The following CD99L2 variants were observed in gnomAD, a reference collection of about 807,000 sequenced individuals.
CD99L2 encodes CD99 molecule like 2.
In CD99L2, 24 loss-of-function variants were observed where a neutral mutation model predicts 27.3. The observed-to-expected ratio is 0.88, with a 90% CI of 0.64 to 1.24. The LOEUF is 1.24. Among genes scored for constraint, CD99L2 ranks in the 50% most tolerant of loss-of-function variants. CD99L2 has a pLI of 0.00. For missense variants in CD99L2, 255 were observed against 221.6 expected, an observed-to-expected ratio of 1.15 and a Z score of -0.96; for synonymous variants, 97 against 87.9, an observed-to-expected ratio of 1.10 and a Z score of -0.58.
chrX:150,842,261 G>A (rs2046633344), intron 1 of CD99L2, among the ~76,000 whole-genome samples: 2 of 112,212 alleles, frequency 1.8e-5, no homozygotes, highest in African/African-American at 6.5e-5. Flanking sequence ...GAAAAGTGCT[G>A]TTTCCACCCA....
chrX:150,892,605 CAAAAAAAAA>C (rs782464097), intron 1 of CD99L2, among the ~76,000 whole-genome samples: 2 of 30,196 alleles, frequency 6.6e-5, no homozygotes, highest in African/African-American at 2.3e-4. Flanking sequence ...GACTCTGTCT[CAAAAAAAAA>C]AAAAAAAAAA....
At chrX:150,809,126 A>G (rs1317389818) in intron 4 of CD99L2, among the ~76,000 whole-genome samples, 2 of 111,431 alleles carry the variant, frequency 1.8e-5, no homozygotes, top group Non-Finnish European at 3.8e-5. Context: ...TCTCCCCTAG[A>G]GTCTCCAAAA....
chrX:150,887,489 A>T (rs373685589), intron 1 of CD99L2, among the ~76,000 whole-genome samples: 8 of 99,240 alleles, frequency 8.1e-5, no homozygotes, highest in Non-Finnish European at 1.4e-4. Flanking sequence ...AATAAATAAA[A>T]TAAAAAAATA....
intron 1 of CD99L2, among the ~76,000 whole-genome samples, chrX:150,895,196 C>T (rs1603328930): frequency 9.0e-6 from 1 of 111,061 alleles, no homozygotes; most frequent in South Asian, 3.8e-4. Flanking sequence ...TATAGGTGTT[C>T]CAGAAATGAA....
intron 1 of CD99L2, among the ~76,000 whole-genome samples, chrX:150,879,351 A>G (rs2047284353): frequency 8.9e-6 from 1 of 111,912 alleles, no homozygotes; most frequent in Non-Finnish European, 1.9e-5. Flanking sequence ...GAGTGGAAAG[A>G]ATTAAGAAAA....
intron 1 of CD99L2, among the ~76,000 whole-genome samples, chrX:150,894,571 T>TTGTGTG (rs199941967): frequency 3.5e-4 from 35 of 99,835 alleles, no homozygotes; most frequent in African/African-American, 1.2e-3. Flanking sequence ...TTCTTTTGTT[T>TTGTGTG]TGTGTGTGTG....
At chrX:150,789,143 G>A (rs184185221) in intron 7 of CD99L2, among the ~76,000 whole-genome samples, 106 of 83,375 alleles carry the variant, frequency 1.3e-3, no homozygotes, top group African/African-American at 4.6e-3. Flanking sequence ...TTTTTTTTGA[G>A]ACAGAGTCTT....
At chrX:150,775,374 A>G (rs1227559719) in intron 9 of CD99L2, among the ~76,000 whole-genome samples, 4 of 112,344 alleles carry the variant, frequency 3.6e-5, no homozygotes, top group Non-Finnish European at 5.6e-5. Flanking sequence ...CAGAGCATCC[A>G]TCTGTGCTTA....
At chrX:150,770,239 T>C in intron 10 of CD99L2, 65 bp downstream of exon 10, 2 of 1,034,427 alleles carry the variant, frequency 1.9e-6, no homozygotes, top group Non-Finnish European at 2.7e-6. Context: ...TCTAGCACAG[T>C]TCTGCTCAGT....
intron 7 of CD99L2, 73 bp downstream of exon 7, chrX:150,793,618 A>G: frequency 2.2e-6 from 2 of 910,816 alleles, no homozygotes; most frequent in Non-Finnish European, 3.0e-6. Flanking sequence ...CAGAGGCTCA[A>G]TTAATCTGGT....
chrX:150,795,708 C>T (rs887001377), intron 4 of CD99L2, among the ~76,000 whole-genome samples: 3 of 111,725 alleles, frequency 2.7e-5, no homozygotes, highest in Non-Finnish European at 5.6e-5. Flanking sequence ...GGTTATGAGG[C>T]AGACATAGTC....
rs184637267 is a variant in CD99L2, at chrX:150,896,902, G to A, written c.67+1620C>T. 6.2e-5 allele frequency among the ~76,000 whole-genome samples: 7 copies of A among 112,412 alleles called. No individual in the cohort carries two copies. In the East Asian group the frequency reaches 1.9e-3, roughly 31 times the overall value. ...CCTCTGTTTCCTCATCTATAAAACA[G>A]ATGTACTGTTTCTGTCTCCTCTACC... On this transcript the variant is annotated intron_variant, in intron 1 of 10. Transcript: ENST00000370377.
At chrX:150,769,146 C>T in intron 10 of CD99L2, 45 bp from the exon 11 acceptor site, 1 of 1,134,986 alleles carries the variant, frequency 8.8e-7, no homozygotes. Flanking sequence ...CTCTGTCTTG[C>T]ACAGAAGAAG....
At chrX:150,775,937 G>C (rs1243137768) in intron 9 of CD99L2, among the ~76,000 whole-genome samples, 2 of 112,434 alleles carry the variant, frequency 1.8e-5, no homozygotes, top group African/African-American at 6.5e-5. Context: ...TGGGGCCCTG[G>C]AAGGTGAAGG....
At chrX:150,797,997 A>G (rs1268114273) in intron 4 of CD99L2, among the ~76,000 whole-genome samples, 4 of 100,916 alleles carry the variant, frequency 4.0e-5, no homozygotes, top group African/African-American at 1.5e-4. Context: ...AGCCGTGACC[A>G]CACCACTGTA....
chrX:150,771,961 G>A (rs1200580429), intron 9 of CD99L2: 10 of 618,563 alleles, frequency 1.6e-5, no homozygotes, highest in South Asian at 5.5e-5. Context: ...AGCAGAGGCC[G>A]AGAGCACCTG....
At chrX:150,793,777 A>G (rs377051493) in intron 6 of CD99L2, 21 bp from the exon 7 acceptor site, 13 of 1,142,649 alleles carry the variant, frequency 1.1e-5, no homozygotes, top group Non-Finnish European at 5.9e-6. Flanking sequence ...TAAAACATAC[A>G]TTTCAACAAC....
chrX:150,768,505 G>A lies in CD99L2; in HGVS notation c.*529C>T, dbSNP rs782604512. On this transcript the variant is annotated 3_prime_UTR_variant, in exon 11 of 11. Transcript: ENST00000370377. ...CCATCATCCTGGGTGCTGCGTGTGT[G>A]TGGTGTTACTTGGTGCTGACCGGTT... 2 of 114,246 alleles carry A rather than the reference G, an allele frequency of 1.8e-5. No homozygotes were observed. Among genetic ancestry groups the A allele is most frequent in the African/African-American group, 6.4e-5 (2 of 31,087 alleles). 9.4% of individuals were successfully genotyped at this position (114,246 alleles called of 1,213,427 possible).
chrX:150,818,025 A>G (rs1389345877), intron 2 of CD99L2, among the ~76,000 whole-genome samples: 1 of 98,678 alleles, frequency 1.0e-5, no homozygotes, highest in African/African-American at 3.8e-5. Context: ...ATTTATAATG[A>G]TGAAAGGATC....
Sources: gnomAD v4.1 joint callset for allele counts (sites outside exome capture counted in the v4.1 genomes callset) on GRCh38, gnomAD v4.1.1 for gene constraint, MANE v1.5 for transcripts, NCBI Gene and HGNC (gene_info 2026-07-23, HGNC 2026-07-21) for gene names.